Variants in PCDH15 observed in about 807,000 individuals in gnomAD.
PCDH15 encodes the protein protocadherin related 15.
PCDH15 carries 129 observed loss-of-function variants against 178.5 expected under a neutral mutation model. That is an observed-to-expected ratio of 0.72 (90% CI 0.63 to 0.84). The LOEUF (loss-of-function observed/expected upper bound fraction) is 0.84, where lower values mean the gene tolerates loss of function less well. Ranked by LOEUF, PCDH15 falls within the 40% of genes least tolerant of loss-of-function variation. PCDH15 has a pLI of 0.00. For synonymous variants in PCDH15, 800 were observed against 732.0 expected, an observed-to-expected ratio of 1.09 and a Z score of -1.50; for missense variants, 2,230 against 2,099.9, an observed-to-expected ratio of 1.06 and a Z score of -1.21.
intron 29 of PCDH15, among the ~76,000 whole-genome samples, chr10:53,832,891 T>C (rs1037528241): frequency 6.6e-6 from 1 of 152,062 alleles, no homozygotes; most frequent in African/African-American, 2.4e-5. Flanking sequence ...ATGTAACTCA[T>C]AAACTAATTC....
intron 2 of PCDH15, among the ~76,000 whole-genome samples, chr10:54,533,866 AG>A (rs1057356878): frequency 6.6e-6 from 1 of 152,194 alleles, no homozygotes; most frequent in African/African-American, 2.4e-5. Flanking sequence ...AAGATGTTAA[AG>A]AAATGGGTTT....
rs376450839 is a variant in PCDH15, at chr10:54,480,630, T to C, written c.157+47182A>G. ...AGAGTCTAAAACTTATATGAATACA[T>C]GCTGAAAGTGGATGCTCTTAGTTGT... On this transcript the variant is annotated intron_variant, in intron 3 of 37. Coordinates refer to ENST00000644397, the MANE Select transcript of PCDH15 (RefSeq NM_001384140.1). Among the ~76,000 whole-genome samples the C allele has an allele frequency of 2.2e-4, 33 of 152,154 alleles. No individual in the cohort carries two copies. The South Asian group carries it at 6.8e-3, about 32-fold the overall frequency.
intron 2 of PCDH15, 24 bp from the exon 3 acceptor site, chr10:54,527,901 G>A (rs771419270): frequency 1.9e-6 from 3 of 1,582,788 alleles, no homozygotes; most frequent in African/African-American, 2.7e-5. Flanking sequence ...ATAACCAAAA[G>A]TAATAATTGA....
At chr10:55,554,824 C>T (rs1842061313) in intron 2 of PCDH15, among the ~76,000 whole-genome samples, 1 of 151,876 alleles carries the variant, frequency 6.6e-6, no homozygotes, top group African/African-American at 2.4e-5. Context: ...TCCAAAATAC[C>T]ACTTAAAATT....
Position 54,801,035 on chromosome 10 carries a change from T to G in PCDH15, c.-139A>C, listed in dbSNP as rs1952616804. ...AAAGAACCAGTGCTCATAATCTAGTTCCAAGACGATTCATTCACATGTTCC... is the reference window on the plus strand; with the variant it reads ...AAAGAACCAGTGCTCATAATCTAGTGCCAAGACGATTCATTCACATGTTCC... On this transcript the variant is annotated 5_prime_UTR_variant, in exon 1 of 38. Transcript: ENST00000644397. The G allele has an allele frequency of 6.6e-6, 1 of 152,178 alleles. No individual in the cohort carries two copies. The highest frequency in any genetic ancestry group is 2.4e-5 in the African/African-American group (1 of 41,434). The allele number at this position is 152,178 out of a possible 1,614,324, so 9.4% of individuals were successfully genotyped here. A position where few individuals can be genotyped will look rare whatever the true frequency, so the allele number is the denominator to read the frequency against.
intron 23 of PCDH15, among the ~76,000 whole-genome samples, chr10:53,943,557 T>C (rs1281783751): frequency 6.6e-6 from 1 of 151,890 alleles, no homozygotes; most frequent in Non-Finnish European, 1.5e-5. Context: ...TATTAAAAAA[T>C]GCACGTGTAC....
intron 2 of PCDH15, among the ~76,000 whole-genome samples, chr10:54,596,473 G>A (rs955484659): frequency 6.6e-6 from 1 of 152,036 alleles, no homozygotes; most frequent in Non-Finnish European, 1.5e-5. Context: ...TAATATGGAT[G>A]GGAAAGACCA....
rs2044710821 is a variant in PCDH15 at position 54,153,141 on chromosome 10, G to C, written c.1743C>G (p.Leu581=). ...VEMIVGRTYA[L]TVQAADNAPP... ...GAGCATTATCCGCTGCTTGGACCGTGAGTGCGTAAGTCCGCCCGACTATCA... is the reference window on the plus strand; with the variant it reads ...GAGCATTATCCGCTGCTTGGACCGTCAGTGCGTAAGTCCGCCCGACTATCA... Residue 581 remains leucine, a synonymous_variant, in exon 14 of 38, where the codon CTC becomes CTG. Coordinates refer to ENST00000644397, the MANE Select transcript of PCDH15 (RefSeq NM_001384140.1). 1 of 1,613,852 alleles carries C rather than the reference G, an allele frequency of 6.2e-7. No individual in the cohort carries two copies. The highest frequency in any genetic ancestry group is 8.5e-7 in the Non-Finnish European group (1 of 1,179,872).
intron 26 of PCDH15, among the ~76,000 whole-genome samples, chr10:53,879,135 C>T (rs973883270): frequency 2.6e-5 from 4 of 151,870 alleles, no homozygotes; most frequent in African/African-American, 4.8e-5. Context: ...TACACTTAAA[C>T]GTACCTTTCA....
At chr10:54,149,994 A>T (rs2133293739) in intron 14 of PCDH15, among the ~76,000 whole-genome samples, 1 of 152,194 alleles carries the variant, frequency 6.6e-6, no homozygotes, top group Admixed American at 6.6e-5. Context: ...TGACTGCAAG[A>T]TGGGAGACGC....
chr10:54,784,053 T>C (rs1320195415), intron 1 of PCDH15, among the ~76,000 whole-genome samples: 1 of 151,982 alleles, frequency 6.6e-6, no homozygotes, highest in Non-Finnish European at 1.5e-5. Context: ...GAAGAACTTA[T>C]TACACCATGA....
At chr10:54,282,645 CA>C (rs2058772721) in intron 8 of PCDH15, among the ~76,000 whole-genome samples, 1 of 151,556 alleles carries the variant, frequency 6.6e-6, no homozygotes, top group Non-Finnish European at 1.5e-5. Flanking sequence ...AGGCTTAGCT[CA>C]ATTGGTGATT....
At position 53,921,251 on chromosome 10, in the gene PCDH15, A is replaced by T. The variant is rs964080177; in HGVS notation, c.3373+17564T>A. ...TCAGCTACTTACATTTTTGAGCACT[A>T]GTCACAGTATAAATGGAAATTAAAA... is the stretch of plus-strand genomic sequence containing the variant. On this transcript the variant is annotated intron_variant, in intron 25 of 37. Coordinates refer to ENST00000644397, the MANE Select transcript of PCDH15 (RefSeq NM_001384140.1). Among the ~76,000 whole-genome samples, 9 of 152,326 alleles carry T rather than the reference A, an allele frequency of 5.9e-5. No individual in the cohort carries two copies. In the East Asian group the frequency reaches 1.7e-3, roughly 29 times the overall value.
intron 3 of PCDH15, among the ~76,000 whole-genome samples, chr10:54,819,982 G>A (rs1382217577): frequency 1.3e-5 from 2 of 148,200 alleles, no homozygotes; most frequent in Non-Finnish European, 1.5e-5. Context: ...CTTGATTAAA[G>A]TAGTATCAAC....
At chr10:54,775,013 G>C (rs1949537231) in intron 1 of PCDH15, among the ~76,000 whole-genome samples, 1 of 152,080 alleles carries the variant, frequency 6.6e-6, no homozygotes, top group African/African-American at 2.4e-5. Flanking sequence ...AAGACAATTA[G>C]ACTGTTTTAT....
At chr10:54,846,542 C>T (rs1006912542) in intron 3 of PCDH15, among the ~76,000 whole-genome samples, 1 of 152,104 alleles carries the variant, frequency 6.6e-6, no homozygotes, top group African/African-American at 2.4e-5. Flanking sequence ...CGGCAATCTA[C>T]CATTCGGCCA....
intron 3 of PCDH15, among the ~76,000 whole-genome samples, chr10:54,815,478 G>A (rs1490037086): frequency 2.0e-5 from 3 of 152,064 alleles, no homozygotes; most frequent in Admixed American, 6.6e-5. Flanking sequence ...TTGCTATTGC[G>A]GTGAGCTCAA....
At position 53,857,182 on chromosome 10, in the gene PCDH15, G is replaced by C; in HGVS notation, c.3799C>G (p.Leu1267Val). The change falls in exon 28 of 38, where the codon CTT (leucine) becomes GTT (valine). Residue 1267 changes from leucine to valine, a missense_variant. Leu to Val is a conservative substitution (Grantham distance 32, BLOSUM62 1). Coordinates refer to ENST00000644397, the MANE Select transcript of PCDH15 (RefSeq NM_001384140.1). ...PTLVEKKIED[L>V]TEILDRYVQE... ...GGAGACAAAATCAATTACTCTGTAA[G>C]ATCTTCTATCTTTTTTTCCACTAGA... is the stretch of plus-strand genomic sequence containing the variant. The C allele has an allele frequency of 6.3e-7, 1 of 1,592,144 alleles. No homozygotes were observed. Among genetic ancestry groups the C allele is most frequent in the South Asian group, 1.1e-5 (1 of 90,428 alleles).
chr10:53,857,903 A>C (rs773221235), intron 27 of PCDH15, among the ~76,000 whole-genome samples: 21 of 152,064 alleles, frequency 1.4e-4, no homozygotes, highest in South Asian at 2.1e-4. Flanking sequence ...AAAAATATTT[A>C]TTCTGTGCTT....
Sources: gnomAD v4.1 joint callset for allele counts (sites outside exome capture counted in the v4.1 genomes callset) on GRCh38, gnomAD v4.1.1 for gene constraint, MANE v1.5 for transcripts, NCBI Gene and HGNC (gene_info 2026-07-23, HGNC 2026-07-21) for gene names.